Variants in RBFOX1 observed in about 807,000 individuals in gnomAD.
RBFOX1 encodes the protein RNA binding fox-1 homolog 1, also known as RNA binding protein fox-1 homolog 1.
Under a neutral mutation model 57.7 loss-of-function variants are expected in RBFOX1, and 8 were observed. The observed-to-expected ratio is 0.14, with a 90% CI of 0.08 to 0.25. The LOEUF is 0.25. Ranked by LOEUF, RBFOX1 falls within the 10% of genes least tolerant of loss-of-function variation. The probability of loss-of-function intolerance (pLI) is 1.00; values close to 1 mark genes in which losing one functional copy is unlikely to be tolerated. For missense variants in RBFOX1, 611 were observed against 548.5 expected (o/e 1.11, Z -1.14); for synonymous variants, 326 against 222.4 (o/e 1.47, Z -4.15).
rs113136216 is a variant in RBFOX1, at chr16:5,529,600, C to G, written c.258+62346C>G. On this transcript the variant is annotated intron_variant, in intron 2 of 2. Coordinates refer to the RBFOX1 transcript ENST00000585867. ...TTTTTTTTTGAGATGGAGTTTTGCT[C>G]TTGTTGCTCAAGCTGGAGTGCAATG... Among the ~76,000 whole-genome samples the G allele has an allele frequency of 2.5e-3, 382 of 150,100 alleles. 2 individuals are homozygous for G. Among genetic ancestry groups the G allele is most frequent in the Non-Finnish European group, 4.2e-3 (286 of 67,614 alleles).
intron 4 of RBFOX1, among the ~76,000 whole-genome samples, chr16:7,253,421 C>T (rs1194501264): frequency 6.6e-6 from 1 of 152,194 alleles, no homozygotes; most frequent in Non-Finnish European, 1.5e-5. Context: ...CCCTCAACCT[C>T]TTCCTTGTCC....
At chr16:6,351,784 A>G (rs2086450107) in intron 2 of RBFOX1, among the ~76,000 whole-genome samples, 1 of 152,224 alleles carries the variant, frequency 6.6e-6, no homozygotes, top group Non-Finnish European at 1.5e-5. Flanking sequence ...ATGTTATTTC[A>G]GAAATGGAAG....
At chr16:7,607,403 A>G (rs1013358703) in intron 10 of RBFOX1, 65 bp downstream of exon 10, 34 of 1,440,288 alleles carry the variant, frequency 2.4e-5, no homozygotes, top group African/African-American at 7.1e-5. Context: ...CCTGCCAAGA[A>G]TGAATGAGTT....
At chr16:6,105,434 C>T (rs906709446) in intron 1 of RBFOX1, among the ~76,000 whole-genome samples, 1 of 151,870 alleles carries the variant, frequency 6.6e-6, no homozygotes, top group African/African-American at 2.4e-5. Context: ...TCACAAATTC[C>T]ACATTTTTGG....
At chr16:6,739,230 G>C (rs919206044) in intron 3 of RBFOX1, among the ~76,000 whole-genome samples, 8 of 149,290 alleles carry the variant, frequency 5.4e-5, no homozygotes, top group African/African-American at 2.0e-4. Context: ...ACTTCTAGTA[G>C]GGATGATAGA....
At chr16:5,853,000 C>T (rs1194596184) in intron 3 of RBFOX1, among the ~76,000 whole-genome samples, 3 of 152,154 alleles carry the variant, frequency 2.0e-5, no homozygotes, top group Non-Finnish European at 2.9e-5. Flanking sequence ...AGACTTTTCA[C>T]TGCAGGTCCC....
chr16:6,966,893 C>G (rs8044525), intron 3 of RBFOX1, among the ~76,000 whole-genome samples: 1 of 149,482 alleles, frequency 6.7e-6, no homozygotes, highest in African/African-American at 2.5e-5. Flanking sequence ...CTATTCATCT[C>G]TCCATCCATC....
intron 4 of RBFOX1, among the ~76,000 whole-genome samples, chr16:7,117,139 T>C (rs550139900): frequency 2.0e-5 from 3 of 152,090 alleles, no homozygotes; most frequent in East Asian, 1.9e-4. Context: ...GAAGAAAAGA[T>C]AGTAAAGTGA....
At chr16:6,535,423 C>T (rs932820184) in intron 2 of RBFOX1, among the ~76,000 whole-genome samples, 1 of 21,680 alleles carries the variant, frequency 4.6e-5, no homozygotes, top group South Asian at 1.5e-3. Flanking sequence ...TAAATCACAT[C>T]AGAAAAGAAC....
At chr16:7,376,980 T>C (rs2097696725) in intron 4 of RBFOX1, among the ~76,000 whole-genome samples, 1 of 152,158 alleles carries the variant, frequency 6.6e-6, no homozygotes, top group African/African-American at 2.4e-5. Context: ...TGTCCCTAAG[T>C]GTCAGGTGGT....
At chr16:6,069,180 C>T (rs1303120061) in intron 1 of RBFOX1, among the ~76,000 whole-genome samples, 1 of 151,920 alleles carries the variant, frequency 6.6e-6, no homozygotes, top group Non-Finnish European at 1.5e-5. Flanking sequence ...GGATGGATCA[C>T]CTGAGGTCGG....
chr16:5,555,151 T>C (rs1385400644), intron 2 of RBFOX1, among the ~76,000 whole-genome samples: 3 of 152,240 alleles, frequency 2.0e-5, no homozygotes, highest in Non-Finnish European at 4.4e-5. Flanking sequence ...TGCATCTAGC[T>C]ACCCTCCGCT....
At position 6,385,747 on chromosome 16, in the gene RBFOX1, C is replaced by T. The variant is rs1024389937; in HGVS notation, c.-64+68690C>T. ...AAAGTGATAAGCACAGTGACTCATG[C>T]GTCACGTCTACACATCGTATTTAGC... On this transcript the variant is annotated intron_variant, in intron 2 of 15. Coordinates refer to ENST00000550418, the MANE Select transcript of RBFOX1 (RefSeq NM_018723.4). 5.9e-5 allele frequency among the ~76,000 whole-genome samples: 9 copies of T among 152,234 alleles called. No homozygotes were observed. In the East Asian group the frequency reaches 1.2e-3, roughly 20 times the overall value.
chr16:6,779,198 C>T (rs1199566258), intron 3 of RBFOX1, among the ~76,000 whole-genome samples: 4 of 151,988 alleles, frequency 2.6e-5, no homozygotes, highest in Admixed American at 2.0e-4. Flanking sequence ...ATTTGGTAAA[C>T]ATTATTCTAC....
intron 3 of RBFOX1, among the ~76,000 whole-genome samples, chr16:6,919,100 C>G (rs867792835): frequency 5.3e-5 from 8 of 152,156 alleles, no homozygotes; most frequent in South Asian, 2.1e-4. Context: ...CTGTCTCAGC[C>G]TACTGAGTAG....
At chr16:6,441,526 C>T (rs1352193515) in intron 2 of RBFOX1, among the ~76,000 whole-genome samples, 3 of 152,256 alleles carry the variant, frequency 2.0e-5, no homozygotes, top group South Asian at 2.1e-4. Flanking sequence ...AAGCAATTCT[C>T]CTGCCTCAGC....
intron 2 of RBFOX1, among the ~76,000 whole-genome samples, chr16:5,538,737 C>T (rs1313577876): frequency 6.6e-6 from 1 of 151,834 alleles, no homozygotes; most frequent in Non-Finnish European, 1.5e-5. Flanking sequence ...AGTGATTGTC[C>T]TGCCTTAGAC....
At chr16:6,797,879 A>G (rs1296864027) in intron 3 of RBFOX1, among the ~76,000 whole-genome samples, 1 of 152,174 alleles carries the variant, frequency 6.6e-6, no homozygotes, top group Non-Finnish European at 1.5e-5. Context: ...ACTAACTGGT[A>G]GCTAGCTGAC....
chr16:5,861,624 A>G (rs2057216447), intron 3 of RBFOX1, among the ~76,000 whole-genome samples: 1 of 152,202 alleles, frequency 6.6e-6, no homozygotes, highest in Non-Finnish European at 1.5e-5. Flanking sequence ...GACGAACATA[A>G]GCAGCCTTCA....
Sources: allele counts gnomAD v4.1 joint callset (sites outside exome capture counted in the v4.1 genomes callset), GRCh38; gene constraint gnomAD v4.1.1; transcripts MANE v1.5; gene names NCBI Gene and HGNC (gene_info 2026-07-23, HGNC 2026-07-21).